The following SDK1 variants were observed in gnomAD, a reference collection of about 807,000 sequenced individuals.
SDK1 encodes the protein sidekick cell adhesion molecule 1.
A neutral mutation model predicts 245.5 loss-of-function variants in SDK1; 157 were observed. That is an observed-to-expected ratio of 0.64 (90% CI 0.56 to 0.73). SDK1 has a LOEUF of 0.73. Ranked by LOEUF, SDK1 falls within the 30% of genes least tolerant of loss-of-function variation. The pLI is 0.00. For synonymous variants in SDK1, 1,647 were observed against 1,278.5 expected, an observed-to-expected ratio of 1.29 and a Z score of -6.15; for missense variants, 3,583 against 3,002.3, an observed-to-expected ratio of 1.19 and a Z score of -4.52.
intron 1 of SDK1, among the ~76,000 whole-genome samples, chr7:3,350,335 C>G (rs913706222): frequency 6.6e-6 from 1 of 152,174 alleles, no homozygotes; most frequent in Non-Finnish European, 1.5e-5. Flanking sequence ...CATATTCCCA[C>G]AGTGGAAATG....
chr7:4,073,937 C>T (rs746027518), intron 20 of SDK1, among the ~76,000 whole-genome samples: 2 of 151,334 alleles, frequency 1.3e-5, no homozygotes, highest in Non-Finnish European at 2.9e-5. Context: ...GCCCCTCTCC[C>T]AGTTCCTCAT....
chr7:3,306,294 AC>A (rs1779415860), intron 1 of SDK1, among the ~76,000 whole-genome samples: 1 of 152,208 alleles, frequency 6.6e-6, no homozygotes, highest in South Asian at 2.1e-4. Flanking sequence ...TAAGAAAATG[AC>A]TATCACCATT....
chr7:4,258,626 A>G (rs1166263871), intron 44 of SDK1, among the ~76,000 whole-genome samples: 2 of 152,236 alleles, frequency 1.3e-5, no homozygotes, highest in Non-Finnish European at 2.9e-5. Context: ...GGCCCCGGCC[A>G]GTATGACCCT....
chr7:4,110,635 G>A (rs780901577), intron 22 of SDK1, 28 bp from the exon 23 acceptor site: 3 of 1,504,680 alleles, frequency 2.0e-6, no homozygotes, highest in Non-Finnish European at 9.2e-7. Flanking sequence ...GGCATGTCCA[G>A]CCCATCTCAG....
chr7:4,158,375 G>A, intron 30 of SDK1, 73 bp from the exon 31 acceptor site: 2 of 1,254,762 alleles, frequency 1.6e-6, no homozygotes, highest in Non-Finnish European at 1.2e-6. Flanking sequence ...TCTTCCCAGG[G>A]CTTCACCAGG....
chr7:3,968,875 A>C (rs1041350987), intron 10 of SDK1, among the ~76,000 whole-genome samples: 1 of 152,242 alleles, frequency 6.6e-6, no homozygotes, highest in South Asian at 2.1e-4. Context: ...GCAATTTACA[A>C]AGAAAAGAGG....
In SDK1 at chr7:3,301,323, G is replaced by C. The variant is rs1204920216; in HGVS notation, c.-264G>C. 1 of 147,452 alleles carries C rather than the reference G, an allele frequency of 6.8e-6. No homozygotes were observed. The highest frequency in any genetic ancestry group is 1.5e-5 in the Non-Finnish European group (1 of 66,078). The allele number at this position is 147,452 out of a possible 1,614,324, so 9.1% of individuals were successfully genotyped here. A position where few individuals can be genotyped will look rare whatever the true frequency, so the allele number is the denominator to read the frequency against. On this transcript the variant is annotated 5_prime_UTR_variant, in exon 1 of 45. Transcript: ENST00000404826. Reference sequence around the variant, plus strand: ...CTCCGCGCCCGGCGGACCCCTCGGAGCTAGCGCGGCGGGCTCGGGACTGCG... The same window carrying C: ...CTCCGCGCCCGGCGGACCCCTCGGACCTAGCGCGGCGGGCTCGGGACTGCG...
At chr7:4,048,242 C>G (rs1179993503) in intron 17 of SDK1, among the ~76,000 whole-genome samples, 1 of 152,152 alleles carries the variant, frequency 6.6e-6, no homozygotes, top group Non-Finnish European at 1.5e-5. Context: ...CACTTTAGAA[C>G]AAGCACCTGA....
At chr7:3,848,044 T>C (rs1363243700) in intron 5 of SDK1, among the ~76,000 whole-genome samples, 1 of 152,246 alleles carries the variant, frequency 6.6e-6, no homozygotes, top group East Asian at 1.9e-4. Context: ...CACAAGCACA[T>C]ACACATACAA....
intron 1 of SDK1, among the ~76,000 whole-genome samples, chr7:3,576,189 A>G (rs1165983095): frequency 7.2e-5 from 11 of 152,152 alleles, no homozygotes; most frequent in Non-Finnish European, 1.5e-4. Context: ...GGGATATTAT[A>G]AATAATGTAG....
At chr7:3,476,790 A>G (rs1486634701) in intron 1 of SDK1, among the ~76,000 whole-genome samples, 1 of 152,188 alleles carries the variant, frequency 6.6e-6, no homozygotes, top group Non-Finnish European at 1.5e-5. Flanking sequence ...GACCCTAGTC[A>G]TACACCCAGC....
At chr7:4,023,710 C>T (rs1787114364) in intron 17 of SDK1, among the ~76,000 whole-genome samples, 1 of 152,100 alleles carries the variant, frequency 6.6e-6, no homozygotes, top group South Asian at 2.1e-4. Flanking sequence ...AGGGAGAGTA[C>T]TATAGTCATT....
intron 1 of SDK1, among the ~76,000 whole-genome samples, chr7:3,465,213 T>G (rs1780958660): frequency 6.6e-6 from 1 of 152,146 alleles, no homozygotes; most frequent in Admixed American, 6.5e-5. Context: ...TTGTAGCATC[T>G]CTGGATTCTG....
rs139825086 is a variant in SDK1, at chr7:4,268,606, T to C, written c.*3222T>C. On this transcript the variant is annotated 3_prime_UTR_variant, in exon 45 of 45. Coordinates refer to ENST00000404826, the MANE Select transcript of SDK1 (RefSeq NM_152744.4). ...GGCCGTGTTTGTATCTAACTGTGAC[T>C]GGGCTGAAGCATGATGTTTGCCTAA... 9.2e-5 allele frequency: 125 copies of C among 1,365,782 alleles called. No homozygotes were observed. The African/African-American group carries it at 1.3e-3, about 15-fold the overall frequency. 84.6% of individuals were successfully genotyped at this position (1,365,782 alleles called of 1,614,324 possible).
At chr7:4,246,226 TGCAGA>T (rs1249551700) in intron 44 of SDK1, among the ~76,000 whole-genome samples, 1 of 152,206 alleles carries the variant, frequency 6.6e-6, no homozygotes, top group African/African-American at 2.4e-5. Context: ...AGAGGTTTCT[TGCAGA>T]GCAGAGTGTG....
At position 3,872,256 on chromosome 7, in the gene SDK1, C is replaced by T. The variant is rs114693661; in HGVS notation, c.847+50673C>T. 3.9e-4 allele frequency among the ~76,000 whole-genome samples: 59 copies of T among 152,146 alleles called. No homozygotes were observed. In the South Asian group the frequency reaches 5.6e-3, roughly 14 times the overall value. ...CATGAGAGTTATTCATCCATAGTTA[C>T]GTTTGCTTGTGATGTGTTTATCTAG... On this transcript the variant is annotated intron_variant, in intron 5 of 44. Transcript: ENST00000404826.
chr7:4,051,218 C>T (rs1789451851), intron 18 of SDK1, among the ~76,000 whole-genome samples: 1 of 137,098 alleles, frequency 7.3e-6, no homozygotes, highest in African/African-American at 2.7e-5. Flanking sequence ...GTATACATAA[C>T]ATATACTATA....
intron 5 of SDK1, among the ~76,000 whole-genome samples, chr7:3,944,929 G>A (rs1161736729): frequency 3.9e-5 from 6 of 152,186 alleles, no homozygotes; most frequent in Admixed American, 3.9e-4. Context: ...ATGACAGAGA[G>A]CTATTAGCTA....
intron 35 of SDK1, among the ~76,000 whole-genome samples, chr7:4,189,388 C>T (rs1783063597): frequency 1.3e-5 from 2 of 152,212 alleles, no homozygotes; most frequent in Admixed American, 1.3e-4. Context: ...GCAAAAAGAG[C>T]AACATAGGTT....
Sources: allele counts gnomAD v4.1 joint callset (sites outside exome capture counted in the v4.1 genomes callset), GRCh38; gene constraint gnomAD v4.1.1; transcripts MANE v1.5; gene names NCBI Gene and HGNC (gene_info 2026-07-23, HGNC 2026-07-21).